The following SYTL2 variants were observed in gnomAD, a reference collection of about 807,000 sequenced individuals.
The protein encoded by SYTL2 is synaptotagmin-like protein 2.
SYTL2 carries 165 observed loss-of-function variants against 198.7 expected under a neutral mutation model. The ratio of observed to expected loss-of-function variants is 0.83; its 90% confidence interval spans 0.73 to 0.94. The LOEUF (loss-of-function observed/expected upper bound fraction) is 0.94. Among genes scored for constraint, SYTL2 ranks in the 40% least tolerant of loss-of-function variants. The pLI is 0.00. For synonymous variants in SYTL2, 966 were observed against 917.7 expected, an observed-to-expected ratio of 1.05 and a Z score of -0.95; for missense variants, 2,835 against 2,582.8, an observed-to-expected ratio of 1.10 and a Z score of -2.12.
chr11:85,708,027 G>T, intron 14 of SYTL2: 1 of 352,574 alleles, frequency 2.8e-6, no homozygotes, highest in Non-Finnish European at 5.5e-6. Flanking sequence ...GCTGGGTGTG[G>T]TGATGCATGC....
At chr11:85,707,721 C>T (rs772830183) in intron 14 of SYTL2, among the ~76,000 whole-genome samples, 190 bp from the exon 15 acceptor site, 2 of 152,028 alleles carry the variant, frequency 1.3e-5, no homozygotes, top group Non-Finnish European at 2.9e-5. Context: ...TGGAATTGAT[C>T]ATTTTATATT....
rs868057787 is a variant in SYTL2, at chr11:85,789,370, A to G, written c.-390+21584T>C. Among the ~76,000 whole-genome samples the G allele has an allele frequency of 3.3e-3, 160 of 48,938 alleles. 1 individual carries two copies. The highest frequency in any genetic ancestry group is 9.2e-3 in the South Asian group (10 of 1,088). The allele number at this position is 48,938 out of a possible 152,430, so 32.1% of individuals were successfully genotyped here. ...TATATATATATATATATATATATAT[A>G]TATATATGTATATATATATATATAT... On this transcript the variant is annotated intron_variant, in intron 1 of 19. Transcript: ENST00000359152.
Position 85,726,515 on chromosome 11 carries a change from T to C in SYTL2, c.2843A>G (p.Asp948Gly). 6.2e-7 allele frequency: 1 copy of C among 1,605,040 alleles called. No individual in the cohort carries two copies. Among genetic ancestry groups the C allele is most frequent in the Non-Finnish European group, 8.5e-7 (1 of 1,179,908 alleles). ...GSERHAPLEK[D>G]RPLVRESNAN... Reference sequence around the variant, plus strand: ...ATTTGATTCACGAACTAGAGGTCTGTCTTTCTCCAATGGAGCATGTCGTTC... The same window carrying C: ...ATTTGATTCACGAACTAGAGGTCTGCCTTTCTCCAATGGAGCATGTCGTTC... The change falls in exon 8 of 20, where the codon GAC (aspartate) becomes GGC (glycine). Residue 948 changes from aspartate to glycine, a missense_variant. This residue lies in a region of SYTL2 where 2,645 missense variants were observed against 2,381.7 expected (regional missense o/e 1.11). Coordinates refer to ENST00000359152, the MANE Select transcript of SYTL2 (RefSeq NM_206927.4).
chr11:85,735,015 G>A (rs1426150685), intron 6 of SYTL2, among the ~76,000 whole-genome samples: 1 of 152,196 alleles, frequency 6.6e-6, no homozygotes, highest in Non-Finnish European at 1.5e-5. Context: ...TGTACACCAT[G>A]AAGAGTGAAC....
At chr11:85,834,033 C>G in the SYTL2 span, among the ~76,000 whole-genome samples, 1 of 151,986 alleles carries the variant, frequency 6.6e-6, no homozygotes, top group Non-Finnish European at 1.5e-5. Flanking sequence ...GCCACCACAG[C>G]CAGCCAAAGT....
the SYTL2 span, among the ~76,000 whole-genome samples, chr11:85,839,394 C>G: frequency 2.0e-5 from 3 of 152,178 alleles, no homozygotes; most frequent in African/African-American, 7.2e-5. Context: ...CCCCACCTCC[C>G]AGCAGCACAT....
At chr11:85,795,691 A>C (rs1475672238) in intron 1 of SYTL2, among the ~76,000 whole-genome samples, 2 of 152,222 alleles carry the variant, frequency 1.3e-5, no homozygotes, top group African/African-American at 2.4e-5. Context: ...ATATTTCTAC[A>C]ATATAAAAAT....
intron 12 of SYTL2, among the ~76,000 whole-genome samples, chr11:85,712,725 C>CT (rs1053317736): frequency 1.3e-5 from 2 of 149,576 alleles, no homozygotes; most frequent in Non-Finnish European, 3.0e-5. Context: ...CACACACACA[C>CT]TTTTTTTTTC....
chr11:85,745,660 T>C lies in SYTL2; in HGVS notation c.366A>G (p.Glu122=), dbSNP rs647912. The change falls in exon 4 of 20, where the codon GAA becomes GAG. Residue 122 remains glutamate (E), a synonymous_variant. Transcript: ENST00000359152. ...ELAGVVEEPE[E]DAAPASPSSS... ...ACCTCGGGCTTGCTGGTGCTGCATC[T>C]TCTTCTGGCTCTTCTACAACGCCAG... is the stretch of plus-strand genomic sequence containing the variant. The C allele has an allele frequency of 0.62, 1,002,547 of 1,612,250 alleles. 314,681 individuals are homozygous for C. Among genetic ancestry groups the C allele is most frequent in the Non-Finnish European group, 0.64 (756,457 of 1,178,686 alleles).
At chr11:85,712,748 ACT>A (rs1322861153) in intron 12 of SYTL2, among the ~76,000 whole-genome samples, 4 of 151,128 alleles carry the variant, frequency 2.6e-5, no homozygotes, top group Non-Finnish European at 4.4e-5. Flanking sequence ...TTAGAGTCTC[ACT>A]CTATCGCCTA....
chr11:85,757,801 C>A lies in SYTL2; in HGVS notation c.-76G>T, dbSNP rs2091955062. ...CAGGGCTGAACAACTAAGACTGCAA[C>A]CAGGAAGATTAAAACACACAAAAAT... On this transcript the variant is annotated 5_prime_UTR_variant, in exon 2 of 20. Transcript: ENST00000359152. The A allele has an allele frequency of 1.3e-6, 2 of 1,583,242 alleles. No individual in the cohort carries two copies. Among genetic ancestry groups the A allele is most frequent in the South Asian group, 2.2e-5 (2 of 90,070 alleles).
chr11:85,774,927 C>T (rs1215869745), intron 1 of SYTL2, among the ~76,000 whole-genome samples: 1 of 152,092 alleles, frequency 6.6e-6, no homozygotes, highest in Non-Finnish European at 1.5e-5. Context: ...GTTTCACTCA[C>T]CTCTCTGGGT....
rs1013632971 is a variant in SYTL2 at position 85,721,389 on chromosome 11, T to C, written c.5327-430A>G. Reference sequence around the variant, plus strand: ...TCAGATGTTTAACATCTGTGTATAATTGGGTACACATATGAGTGCATTCTC... The same window carrying C: ...TCAGATGTTTAACATCTGTGTATAACTGGGTACACATATGAGTGCATTCTC... On this transcript the variant is annotated intron_variant, in intron 8 of 19. Coordinates refer to ENST00000359152, the MANE Select transcript of SYTL2 (RefSeq NM_206927.4). Among the ~76,000 whole-genome samples, 5 of 152,062 alleles carry C rather than the reference T, an allele frequency of 3.3e-5. No homozygotes were observed. In the East Asian group the frequency reaches 5.8e-4, roughly 18 times the overall value.
At chr11:85,776,563 T>C (rs1331071775) in intron 1 of SYTL2, among the ~76,000 whole-genome samples, 1 of 152,234 alleles carries the variant, frequency 6.6e-6, no homozygotes, top group Non-Finnish European at 1.5e-5. Context: ...TCCATGTCCC[T>C]GCAAAGGACA....
rs2090358590 is a variant in SYTL2 at position 85,736,608 on chromosome 11, T to A, written c.479A>T (p.Lys160Met). ...KPNVSPEKQRKNPFNSSKLPE... is the reference protein window; with the variant it reads ...KPNVSPEKQRMNPFNSSKLPE... ...CAACTTGGAGCTATTAAACGGATTC[T>A]TCCTCTGCTGGGGACAAATATTGTT... Residue 160 changes from lysine (K) to methionine (M), a missense_variant, in exon 6 of 20, where the codon AAG becomes ATG. Lys to Met is a moderately conservative substitution (Grantham distance 95, BLOSUM62 -1). Coordinates refer to ENST00000359152, the MANE Select transcript of SYTL2 (RefSeq NM_206927.4). 1 of 1,549,678 alleles carries A rather than the reference T, an allele frequency of 6.5e-7. No individual in the cohort carries two copies. Among genetic ancestry groups the A allele is most frequent in the African/African-American group, 1.4e-5 (1 of 72,952 alleles).
the SYTL2 span, among the ~76,000 whole-genome samples, chr11:85,850,099 G>C: frequency 1.4e-5 from 2 of 146,088 alleles, no homozygotes; most frequent in Non-Finnish European, 3.0e-5. Flanking sequence ...GTCTGTTGTT[G>C]GTGTATAAGA....
chr11:85,753,016 C>T (rs1417588170), intron 2 of SYTL2, among the ~76,000 whole-genome samples: 2 of 135,192 alleles, frequency 1.5e-5, no homozygotes, highest in Non-Finnish European at 3.1e-5. Context: ...ATCGTATCTA[C>T]TGCAAAAACA....
At chr11:85,807,426 C>T (rs2092972636) in intron 1 of SYTL2, among the ~76,000 whole-genome samples, 1 of 152,202 alleles carries the variant, frequency 6.6e-6, no homozygotes, top group Non-Finnish European at 1.5e-5. Flanking sequence ...TACACACATG[C>T]ATGCAATCCA....
chr11:85,830,546 A>G, the SYTL2 span, among the ~76,000 whole-genome samples: 1 of 152,106 alleles, frequency 6.6e-6, no homozygotes, highest in Non-Finnish European at 1.5e-5. Context: ...TCAATGGCTG[A>G]TGTCTCTTTG....
Sources: gnomAD v4.1 joint callset for allele counts (sites outside exome capture counted in the v4.1 genomes callset) on GRCh38, gnomAD v4.1.1 for gene constraint, gnomAD v4.1.1 regional missense constraint, MANE v1.5 for transcripts, NCBI Gene and HGNC (gene_info 2026-07-23, HGNC 2026-07-21) for gene names.